ZNF148: variants seen among roughly 807,000 people sequenced by gnomAD.
ZNF148 encodes Beta-Enolase Repressor Factor-1.
Under a neutral mutation model 67.7 loss-of-function variants are expected in ZNF148, and 7 were observed. The observed-to-expected ratio is 0.10, with a 90% confidence interval of 0.06 to 0.19. ZNF148 has a LOEUF of 0.19. ZNF148 is among the 10% of genes least tolerant of loss of function. The pLI, the probability that ZNF148 is intolerant of heterozygous loss-of-function variation, is 1.00. For synonymous variants in ZNF148, 333 were observed against 330.7 expected (o/e 1.01, Z -0.08); for missense variants, 583 against 947.1 (o/e 0.62, Z 5.05).
Position 125,301,806 on chromosome 3 carries a change from A to G in ZNF148, c.333+11502T>C, listed in dbSNP as rs982794936. ...CGGCCAGGCGCAGTGGCTCACACCT[A>G]TAATCCCACCACTCTGGGAGGCCGA... On this transcript the variant is annotated intron_variant, in intron 4 of 8. Coordinates refer to ENST00000360647, the MANE Select transcript of ZNF148 (RefSeq NM_021964.3). Among the ~76,000 whole-genome samples the G allele has an allele frequency of 5.9e-4, 90 of 152,090 alleles. 1 individual carries two copies. Among genetic ancestry groups the G allele is most frequent in the Admixed American group, 6.5e-4 (10 of 15,270 alleles).
chr3:125,347,841 A>AT (rs1275461968), intron 1 of ZNF148, among the ~76,000 whole-genome samples: 1 of 152,140 alleles, frequency 6.6e-6, no homozygotes, highest in African/African-American at 2.4e-5. Context: ...AAGTCAACCA[A>AT]TTTTTTGACA....
At chr3:125,280,335 C>A (rs2107610633) in intron 5 of ZNF148, among the ~76,000 whole-genome samples, 1 of 152,148 alleles carries the variant, frequency 6.6e-6, no homozygotes. Context: ...GAGAAACTCA[C>A]CTTAGGCTGC....
chr3:125,256,176 A>G (rs1188127337), intron 7 of ZNF148, among the ~76,000 whole-genome samples: 1 of 151,426 alleles, frequency 6.6e-6, no homozygotes, highest in Non-Finnish European at 1.5e-5. Context: ...ATCCTGGCTA[A>G]CACAGCAAAA....
intron 5 of ZNF148, among the ~76,000 whole-genome samples, chr3:125,279,564 T>C (rs994600190): frequency 6.6e-6 from 1 of 152,114 alleles, no homozygotes; most frequent in Non-Finnish European, 1.5e-5. Context: ...CACAGGTATA[T>C]TTTCAATTTC....
rs184187098 is a variant in ZNF148, at chr3:125,356,025, G to C, written c.-234+19077C>G. Among the ~76,000 whole-genome samples, 71 of 152,138 alleles carry C rather than the reference G, an allele frequency of 4.7e-4. 1 individual carries two copies. The highest frequency in any genetic ancestry group is 1.6e-3 in the African/African-American group (66 of 41,472). ...ACTTACTCCCTATTCTAACCACTGA[G>C]AACACTCGCATGAAAAATATATCTT... On this transcript the variant is annotated intron_variant, in intron 1 of 8. Transcript: ENST00000360647.
At chr3:125,304,609 T>G (rs1157147987) in intron 4 of ZNF148, among the ~76,000 whole-genome samples, 1 of 152,204 alleles carries the variant, frequency 6.6e-6, no homozygotes, top group Non-Finnish European at 1.5e-5. Flanking sequence ...CCGTCTAATG[T>G]ACTCTGCTGG....
chr3:125,274,731 A>T (rs1193549756), intron 7 of ZNF148, among the ~76,000 whole-genome samples: 1 of 152,196 alleles, frequency 6.6e-6, no homozygotes, highest in Non-Finnish European at 1.5e-5. Context: ...AAGACAGTAT[A>T]ATGAGACCTA....
intron 2 of ZNF148, among the ~76,000 whole-genome samples, chr3:125,328,514 C>T (rs1941127718): frequency 2.0e-5 from 3 of 151,810 alleles, no homozygotes; most frequent in African/African-American, 7.3e-5. Context: ...TTTGAATATA[C>T]AGTAATTTTA....
intron 4 of ZNF148, among the ~76,000 whole-genome samples, chr3:125,299,283 A>G (rs1217759744): frequency 6.6e-6 from 1 of 152,182 alleles, no homozygotes; most frequent in Non-Finnish European, 1.5e-5. Flanking sequence ...CTTCAGTACC[A>G]CTGTCTCACA....
At chr3:125,332,506 A>G (rs887666211) in intron 1 of ZNF148, among the ~76,000 whole-genome samples, 1 of 152,210 alleles carries the variant, frequency 6.6e-6, no homozygotes, top group South Asian at 2.1e-4. Flanking sequence ...TAGGTAGCCA[A>G]TTAAACCTAA....
Position 125,227,355 on chromosome 3 carries a change from T to G in ZNF148, c.*4986A>C, listed in dbSNP as rs945090100. The G allele has an allele frequency of 2.0e-5, 3 of 152,560 alleles. No individual in the cohort carries two copies. Among genetic ancestry groups the G allele is most frequent in the East Asian group, 1.9e-4 (1 of 5,202 alleles). The allele number at this position is 152,560 out of a possible 1,614,324, so 9.5% of individuals were successfully genotyped here. On this transcript the variant is annotated 3_prime_UTR_variant, in exon 9 of 9. Coordinates refer to ENST00000360647, the MANE Select transcript of ZNF148 (RefSeq NM_021964.3). ...ATCTTACCAGTTTTAATGACAGGGTTTTTCCTTTATTAGTTGAAATACAAA... is the reference window on the plus strand; with the variant it reads ...ATCTTACCAGTTTTAATGACAGGGTGTTTCCTTTATTAGTTGAAATACAAA...
intron 7 of ZNF148, among the ~76,000 whole-genome samples, chr3:125,270,259 C>A (rs772522520): frequency 2.0e-5 from 3 of 151,914 alleles, no homozygotes; most frequent in Admixed American, 6.5e-5. Flanking sequence ...ATAATCCCAG[C>A]ACTCTGGGAG....
At chr3:125,308,068 C>G (rs991853056) in intron 4 of ZNF148, among the ~76,000 whole-genome samples, 1 of 151,910 alleles carries the variant, frequency 6.6e-6, no homozygotes, top group African/African-American at 2.4e-5. Flanking sequence ...AGGCCCCAGA[C>G]AGTGCAATAA....
intron 1 of ZNF148, among the ~76,000 whole-genome samples, chr3:125,340,529 C>G (rs1941670083): frequency 6.6e-6 from 1 of 152,216 alleles, no homozygotes; most frequent in Non-Finnish European, 1.5e-5. Context: ...TGTAGACAAT[C>G]AGAAACCCAG....
chr3:125,316,101 T>C (rs1940480358), intron 3 of ZNF148, among the ~76,000 whole-genome samples: 1 of 152,220 alleles, frequency 6.6e-6, no homozygotes, highest in South Asian at 2.1e-4. Context: ...GAACATGCAT[T>C]TGTCTTTCTG....
At chr3:125,277,703 T>C (rs1425263296) in intron 7 of ZNF148, 23 bp downstream of exon 7, 2 of 1,587,640 alleles carry the variant, frequency 1.3e-6, no homozygotes, top group Non-Finnish European at 1.7e-6. Context: ...TTAATGAACC[T>C]AGTAAGGGTG....
At chr3:125,321,869 G>A (rs1038207283) in intron 3 of ZNF148, among the ~76,000 whole-genome samples, 2 of 151,268 alleles carry the variant, frequency 1.3e-5, no homozygotes, top group Admixed American at 1.3e-4. Context: ...ATGAACAAAT[G>A]TTAAACACCT....
intron 1 of ZNF148, among the ~76,000 whole-genome samples, chr3:125,352,996 T>G (rs1280497237): frequency 6.6e-6 from 1 of 152,126 alleles, no homozygotes; most frequent in Non-Finnish European, 1.5e-5. Flanking sequence ...AGTTTGGAAG[T>G]TTTTTAAATA....
intron 7 of ZNF148, among the ~76,000 whole-genome samples, chr3:125,267,610 C>G (rs1195371746): frequency 6.6e-6 from 1 of 152,098 alleles, no homozygotes; most frequent in African/African-American, 2.4e-5. Context: ...TGACAAACCA[C>G]AATCAACACT....
Sources: gnomAD v4.1 joint callset for allele counts (sites outside exome capture counted in the v4.1 genomes callset) on GRCh38, gnomAD v4.1.1 for gene constraint, MANE v1.5 for transcripts, NCBI Gene and HGNC (gene_info 2026-07-23, HGNC 2026-07-21) for gene names.